Variants in RNF8 observed in about 807,000 individuals in gnomAD.
The protein encoded by RNF8 is E3 ubiquitin-protein ligase RNF8.
Under a neutral mutation model 59.3 loss-of-function variants are expected in RNF8, and 8 were observed. The observed-to-expected ratio is 0.13, with a 90% CI of 0.08 to 0.24. The LOEUF is 0.24. RNF8 is among the 10% of genes least tolerant of loss of function. The pLI, the probability that RNF8 is intolerant of heterozygous loss-of-function variation, is 1.00. For missense variants in RNF8, 406 were observed against 572.6 expected, an observed-to-expected ratio of 0.71 and a Z score of 2.97; for synonymous variants, 162 against 200.0, an observed-to-expected ratio of 0.81 and a Z score of 1.60.
intron 1 of RNF8, chr6:37,359,210 A>G: frequency 4.4e-6 from 2 of 455,446 alleles, no homozygotes; most frequent in Non-Finnish European, 8.8e-6. Flanking sequence ...CTGGTCCAAC[A>G]GGAAAGTATG....
intron 7 of RNF8, among the ~76,000 whole-genome samples, chr6:37,381,683 C>T (rs1228339177): frequency 6.6e-6 from 1 of 152,124 alleles, no homozygotes; most frequent in East Asian, 1.9e-4. Context: ...GTGCTGTTGT[C>T]AAGACACTTC....
chr6:37,367,235 A>T (rs1769594966), intron 2 of RNF8, among the ~76,000 whole-genome samples: 1 of 152,124 alleles, frequency 6.6e-6, no homozygotes, highest in Admixed American at 6.5e-5. Context: ...ATTTTCCTCC[A>T]TTTTATCAGT....
At chr6:37,354,699 G>A (rs1022602847) in intron 1 of RNF8, among the ~76,000 whole-genome samples, 19 of 151,516 alleles carry the variant, frequency 1.3e-4, no homozygotes, top group East Asian at 9.8e-4. Context: ...GGGAACGTGA[G>A]GAGATGCGGG....
At chr6:37,386,198 C>T (rs1770489336) in intron 7 of RNF8, among the ~76,000 whole-genome samples, 1 of 147,010 alleles carries the variant, frequency 6.8e-6, no homozygotes, top group Non-Finnish European at 1.6e-5. Context: ...ATGACAAGGG[C>T]ATCATAGGAA....
At position 37,354,313 on chromosome 6, in the gene RNF8, G is replaced by GC. The variant is rs1769026668; in HGVS notation, c.111+39dup. 7 of 1,475,792 alleles carry GC rather than the reference G, an allele frequency of 4.7e-6. No individual in the cohort carries two copies. In the Admixed American group the frequency reaches 1.5e-4, roughly 31 times the overall value. 91.4% of individuals were successfully genotyped at this position (1,475,792 alleles called of 1,614,324 possible). ...GGGTCCTGTGGAGCGGAGGGCAGGG[G>GC]CTGGAGGGAGCGGGGCTCCGGGGAG... On this transcript the variant is annotated intron_variant, in intron 1 of 7. Coordinates refer to ENST00000373479, the MANE Select transcript of RNF8 (RefSeq NM_003958.4).
intron 6 of RNF8, among the ~76,000 whole-genome samples, chr6:37,380,807 C>G (rs527893219): frequency 6.6e-6 from 1 of 152,102 alleles, no homozygotes; most frequent in Admixed American, 6.5e-5. Flanking sequence ...CTCAGCCACC[C>G]GAGTAGCTGG....
chr6:37,358,078 A>T (rs967275049), intron 1 of RNF8, among the ~76,000 whole-genome samples: 2 of 152,358 alleles, frequency 1.3e-5, no homozygotes, highest in African/African-American at 2.4e-5. Context: ...TAGCTGGAAC[A>T]TGAAAGATAA....
At position 37,368,804 on chromosome 6, in the gene RNF8, G is replaced by A; in HGVS notation, c.561G>A (p.Val187=). ...NKVSCESGQP[V]KSQGKGEVAS... ...TGTCTTGTGAATCTGGTCAGCCAGT[G>A]AAATCACAGGGGAAAGGTGAAGTGG... is the stretch of plus-strand genomic sequence containing the variant. The change falls in exon 3 of 8, where the codon GTG becomes GTA. Residue 187 remains valine, a synonymous_variant. Coordinates refer to ENST00000373479, the MANE Select transcript of RNF8 (RefSeq NM_003958.4). The A allele has an allele frequency of 6.2e-7, 1 of 1,614,188 alleles. No individual in the cohort carries two copies. Among genetic ancestry groups the A allele is most frequent in the Non-Finnish European group, 8.5e-7 (1 of 1,180,042 alleles).
In RNF8 at chr6:37,368,977, G is replaced by A. The variant is rs773973173; in HGVS notation, c.734G>A (p.Ser245Asn). The part of the protein sequence containing the change: ...KASNSSASQR[S>N]LQMFKVTMSR... Reference sequence around the variant, plus strand: ...TCAAACTCTTCAGCATCTCAGAGAAGCTTACAGATGTTTAAGGTGACCATG... The same window carrying A: ...TCAAACTCTTCAGCATCTCAGAGAAACTTACAGATGTTTAAGGTGACCATG... The change falls in exon 3 of 8, where the codon AGC (serine) becomes AAC (asparagine). Residue 245 changes from serine (S) to asparagine (N), a missense_variant. By Grantham distance (46) the Ser-to-Asn change is conservative. This residue lies in a region of RNF8 where 285 missense variants were observed against 342.0 expected (regional missense o/e 0.83). Coordinates refer to ENST00000373479, the MANE Select transcript of RNF8 (RefSeq NM_003958.4). The A allele has an allele frequency of 1.9e-6, 3 of 1,614,248 alleles. No homozygotes were observed. Among genetic ancestry groups the A allele is most frequent in the South Asian group, 1.1e-5 (1 of 91,082 alleles).
At chr6:37,390,679 G>C in intron 7 of RNF8, 63 bp from the exon 8 acceptor site, 1 of 1,251,092 alleles carries the variant, frequency 8.0e-7, no homozygotes, top group East Asian at 2.3e-5. Flanking sequence ...GCTGGAAGCA[G>C]GGAGTCCACG....
chr6:37,361,161 C>T, intron 2 of RNF8: 4 of 439,422 alleles, frequency 9.1e-6, no homozygotes, highest in Non-Finnish European at 1.8e-5. Flanking sequence ...ATATGAAGCC[C>T]AGCAATTAGA....
rs904521184 is a variant in RNF8, at chr6:37,394,565, T to A, written c.*3807T>A. 1.3e-5 allele frequency: 2 copies of A among 152,152 alleles called. No homozygotes were observed. Among genetic ancestry groups the A allele is most frequent in the African/African-American group, 4.8e-5 (2 of 41,430 alleles). 9.4% of individuals were successfully genotyped at this position (152,152 alleles called of 1,614,324 possible). A position where few individuals can be genotyped will look rare whatever the true frequency, so the allele number is the denominator to read the frequency against. On this transcript the variant is annotated 3_prime_UTR_variant, in exon 8 of 8. Coordinates refer to ENST00000373479, the MANE Select transcript of RNF8 (RefSeq NM_003958.4). Reference sequence around the variant, plus strand: ...CTGAGCTCATCTAGTCGCCAAGCAGTATCTCCTGCTTGCTGCTGCTTTACT... The same window carrying A: ...CTGAGCTCATCTAGTCGCCAAGCAGAATCTCCTGCTTGCTGCTGCTTTACT...
In RNF8 at chr6:37,354,108, C is replaced by G; in HGVS notation, c.-57C>G. 3 of 1,437,920 alleles carry G rather than the reference C, an allele frequency of 2.1e-6. No homozygotes were observed. Among genetic ancestry groups the G allele is most frequent in the South Asian group, 1.2e-5 (1 of 81,778 alleles). 89.1% of individuals were successfully genotyped at this position (1,437,920 alleles called of 1,614,324 possible). ...AAGCTGAGGGGATGCACAGAGGCAGCCAGAACCTAGGTCAGGGTCTCGCTC... is the reference window on the plus strand; with the variant it reads ...AAGCTGAGGGGATGCACAGAGGCAGGCAGAACCTAGGTCAGGGTCTCGCTC... On this transcript the variant is annotated 5_prime_UTR_variant, in exon 1 of 8. Coordinates refer to ENST00000373479, the MANE Select transcript of RNF8 (RefSeq NM_003958.4).
intron 1 of RNF8, among the ~76,000 whole-genome samples, chr6:37,358,460 G>A (rs939902493): frequency 1.3e-5 from 2 of 152,206 alleles, no homozygotes; most frequent in African/African-American, 4.8e-5. Context: ...GGCTGTGGCT[G>A]CAGAGATAGG....
chr6:37,361,487 AAAAAG>A, intron 2 of RNF8: 1 of 372,364 alleles, frequency 2.7e-6, no homozygotes. Flanking sequence ...TGTCGCTATC[AAAAAG>A]AAAAGAAGAT....
At position 37,392,633 on chromosome 6, in the gene RNF8, T is replaced by C. The variant is rs2113838795; in HGVS notation, c.*1875T>C. 1 of 398,582 alleles carries C rather than the reference T, an allele frequency of 2.5e-6. No individual in the cohort carries two copies. Among genetic ancestry groups the C allele is most frequent in the East Asian group, 3.6e-5 (1 of 28,066 alleles). 24.7% of individuals were successfully genotyped at this position (398,582 alleles called of 1,614,324 possible). Reference sequence around the variant, plus strand: ...TTGGCAACAGTTCCATGTCAGTACATAGTTTCCTTTCTTTATTACAGCTGC... The same window carrying C: ...TTGGCAACAGTTCCATGTCAGTACACAGTTTCCTTTCTTTATTACAGCTGC... On this transcript the variant is annotated 3_prime_UTR_variant, in exon 8 of 8. Transcript: ENST00000373479.
chr6:37,361,110 C>A, intron 2 of RNF8: 1 of 356,552 alleles, frequency 2.8e-6, no homozygotes, highest in Non-Finnish European at 5.5e-6. Context: ...ATTTGAAAAC[C>A]ACTAGTTTAG....
At chr6:37,369,328 C>T in intron 3 of RNF8, 110 bp downstream of exon 3, 1 of 1,293,032 alleles carries the variant, frequency 7.7e-7, no homozygotes. Context: ...ATTCTGAGCA[C>T]CAAAGACAGG....
chr6:37,384,510 T>G (rs1421396223), intron 7 of RNF8, among the ~76,000 whole-genome samples: 1 of 152,114 alleles, frequency 6.6e-6, no homozygotes, highest in African/African-American at 2.4e-5. Context: ...TGTGCTGAGG[T>G]GGGGAGAGGC....
Sources: gnomAD v4.1 joint callset for allele counts (sites outside exome capture counted in the v4.1 genomes callset) on GRCh38, gnomAD v4.1.1 for gene constraint, gnomAD v4.1.1 regional missense constraint, MANE v1.5 for transcripts, NCBI Gene and HGNC (gene_info 2026-07-23, HGNC 2026-07-21) for gene names.